The following ADGRG4 variants were observed in gnomAD, a reference collection of about 807,000 sequenced individuals.
ADGRG4 encodes the protein G protein-coupled receptor 112.
In ADGRG4, 122 loss-of-function variants were observed where a neutral mutation model predicts 126.2. The observed-to-expected ratio is 0.97, with a 90% CI of 0.83 to 1.12. ADGRG4 has a LOEUF of 1.12. Among genes scored for constraint, ADGRG4 ranks in the 50% most tolerant of loss-of-function variants. The pLI is 0.00. For missense variants in ADGRG4, 2,481 were observed against 2,251.8 expected (o/e 1.10, Z -2.06); for synonymous variants, 943 against 838.7 (o/e 1.12, Z -2.15).
At chrX:136,388,744 A>G (rs762247282) in intron 16 of ADGRG4, among the ~76,000 whole-genome samples, 1 of 111,734 alleles carries the variant, frequency 8.9e-6, no homozygotes, top group African/African-American at 3.2e-5. Flanking sequence ...GAAGATAATG[A>G]ACACTATTAA....
At chrX:136,328,646 C>T (rs892531018) in intron 5 of ADGRG4, among the ~76,000 whole-genome samples, 1 of 111,974 alleles carries the variant, frequency 8.9e-6, no homozygotes, top group African/African-American at 3.2e-5. Context: ...GTCTAATGCT[C>T]CAGCTTCTTT....
rs368888176 is a variant in ADGRG4 at position 136,371,490 on chromosome X, T to G, written c.7559T>G (p.Val2520Gly). 5.0e-6 allele frequency: 6 copies of G among 1,201,433 alleles called. No homozygotes were observed. The highest frequency in any genetic ancestry group is 6.7e-6 in the Non-Finnish European group (6 of 889,516). ...CATGTTATGTTACAAATAATCAACG[T>G]TGTTTTGGAAAAGCAAAACAATTCC... ...LTHVMLQIINVVLEKQNNSAS... is the reference protein window; with the variant it reads ...LTHVMLQIINGVLEKQNNSAS... Residue 2520 changes from valine (V) to glycine (G), a missense_variant, in exon 14 of 26, where the codon GTT becomes GGT. Coordinates refer to ENST00000394143, the MANE Select transcript of ADGRG4 (RefSeq NM_153834.4).
At chrX:136,359,508 A>G (rs1273884809) in intron 11 of ADGRG4, 53 bp downstream of exon 11, 2 of 903,675 alleles carry the variant, frequency 2.2e-6, no homozygotes, top group Non-Finnish European at 3.1e-6. Flanking sequence ...CCTTTATTAT[A>G]AAACTCATAA....
At position 136,354,796 on chromosome X, in the gene ADGRG4, A is replaced by G. The variant is rs1427117788; in HGVS notation, c.6888-1330A>G. Among the ~76,000 whole-genome samples the G allele has an allele frequency of 2.7e-5, 3 of 111,605 alleles. No individual in the cohort carries two copies. In the East Asian group the frequency reaches 8.4e-4, roughly 31 times the overall value. ...ACTTATGTGCATTGGTTTATTATAA[A>G]GGATACTGCAGAAGATACGAATGAA... On this transcript the variant is annotated intron_variant, in intron 8 of 25. Transcript: ENST00000394143.
intron 1 of ADGRG4, among the ~76,000 whole-genome samples, chrX:136,302,161 A>AGC (rs1224984759): frequency 1.8e-5 from 2 of 111,908 alleles, no homozygotes; most frequent in African/African-American, 6.5e-5. Flanking sequence ...TAAATCTATA[A>AGC]ATTACCTTGG....
At chrX:136,350,510 C>G (rs906768044) in intron 6 of ADGRG4, 77 bp downstream of exon 6, 2 of 1,010,016 alleles carry the variant, frequency 2.0e-6, no homozygotes, top group Non-Finnish European at 2.7e-6. Context: ...CAAAGTGGCC[C>G]GTTCTTGGAA....
intron 4 of ADGRG4, among the ~76,000 whole-genome samples, chrX:136,322,337 T>C (rs960127226): frequency 4.5e-5 from 5 of 111,958 alleles, no homozygotes; most frequent in African/African-American, 6.5e-5. Context: ...AACAAATTGC[T>C]GTTGCACCAT....
At chrX:136,331,927 CT>C (rs2074913066) in intron 5 of ADGRG4, among the ~76,000 whole-genome samples, 1 of 108,528 alleles carries the variant, frequency 9.2e-6, no homozygotes, top group Admixed American at 9.8e-5. Context: ...CACCATTCTC[CT>C]GCCTCAGCCT....
chrX:136,342,921 T>TGTGTGTGTGTGAGAGAGA (rs1251871214), intron 5 of ADGRG4, among the ~76,000 whole-genome samples: 3 of 84,308 alleles, frequency 3.6e-5, no homozygotes, highest in African/African-American at 1.4e-4. Context: ...TGTGTGTGTG[T>TGTGTGTGTGTGAGAGAGA]GAGAGAGAGA....
intron 18 of ADGRG4, among the ~76,000 whole-genome samples, chrX:136,393,785 A>G (rs1202631431): frequency 8.9e-6 from 1 of 111,740 alleles, no homozygotes; most frequent in East Asian, 2.8e-4. Flanking sequence ...AGATCTCTCA[A>G]TTGGTGCTGG....
chrX:136,382,534 G>T (rs1017198706), intron 15 of ADGRG4, among the ~76,000 whole-genome samples: 1 of 111,693 alleles, frequency 9.0e-6, no homozygotes, highest in Non-Finnish European at 1.9e-5. Flanking sequence ...GCAGGTCGTG[G>T]TTTTTTTCCT....
intron 4 of ADGRG4, among the ~76,000 whole-genome samples, chrX:136,315,591 AG>A (rs2074799975): frequency 9.0e-6 from 1 of 110,757 alleles, no homozygotes; most frequent in Non-Finnish European, 1.9e-5. Flanking sequence ...AGGTATTACC[AG>A]GTGATTAGCT....
intron 23 of ADGRG4, among the ~76,000 whole-genome samples, chrX:136,411,528 C>A (rs2075446398): frequency 8.9e-6 from 1 of 112,536 alleles, no homozygotes; most frequent in African/African-American, 3.2e-5. Context: ...TGTCATTATG[C>A]CAAAAAGCAT....
At position 136,345,251 on chromosome X, in the gene ADGRG4, GA is replaced by G. The variant is rs1210321753; in HGVS notation, c.1546del (p.Thr516ProfsTer12). The part of the protein sequence containing the change: ...SLTLPTRLIE[T>X]TPAPRTAETE... ...TGACTCTCCCAACTAGGCTTATTGA[GA>G]CCACACCTGCCCCAAGGACAGCTGA... On this transcript the variant is annotated frameshift_variant, in exon 6 of 26. Transcript: ENST00000394143. LOFTEE classifies it high-confidence loss of function. 1 of 1,211,214 alleles carries G rather than the reference GA, an allele frequency of 8.3e-7. No individual in the cohort carries two copies. The highest frequency in any genetic ancestry group is 1.8e-5 in the South Asian group (1 of 56,943).
At chrX:136,394,267 A>C (rs915577927) in intron 18 of ADGRG4, among the ~76,000 whole-genome samples, 1 of 112,006 alleles carries the variant, frequency 8.9e-6, no homozygotes, top group Admixed American at 9.4e-5. Flanking sequence ...GTCATTGCTG[A>C]CTGGGTTGCT....
intron 4 of ADGRG4, among the ~76,000 whole-genome samples, chrX:136,311,773 T>A (rs1271803222): frequency 2.7e-5 from 3 of 110,107 alleles, no homozygotes; most frequent in Non-Finnish European, 5.7e-5. Flanking sequence ...ACAGTAGGAG[T>A]GTAGAGGTAA....
intron 1 of ADGRG4, among the ~76,000 whole-genome samples, chrX:136,302,494 A>T (rs770662143): frequency 8.9e-6 from 1 of 112,252 alleles, no homozygotes; most frequent in Non-Finnish European, 1.9e-5. Flanking sequence ...CCAAATCATA[A>T]GTGAACGCCT....
At chrX:136,380,601 CTCCTCTTCTTCTTCTTCTTCTTCT>C (rs1477564759) in intron 15 of ADGRG4, among the ~76,000 whole-genome samples, 1 of 60,168 alleles carries the variant, frequency 1.7e-5, no homozygotes, top group Non-Finnish European at 3.4e-5. Context: ...CCTCCTCCTC[CTCCTCTTCTTCTTCTTCTTCTTCT>C]TCTTCTTCTT....
intron 19 of ADGRG4, 120 bp downstream of exon 19, chrX:136,395,613 T>A (rs2075343151): frequency 2.5e-6 from 1 of 403,885 alleles, no homozygotes; most frequent in African/African-American, 2.5e-5. Flanking sequence ...CCCTTCCAAT[T>A]TGTTCATCCA....
Sources: gnomAD v4.1 joint callset for allele counts (sites outside exome capture counted in the v4.1 genomes callset) on GRCh38, gnomAD v4.1.1 for gene constraint, MANE v1.5 for transcripts, NCBI Gene and HGNC (gene_info 2026-07-23, HGNC 2026-07-21) for gene names.